ARSG: variants seen among roughly 807,000 people sequenced by gnomAD.
ARSG encodes the protein ASG.
In ARSG, 37 loss-of-function variants were observed where a neutral mutation model predicts 50.5. The ratio of observed to expected loss-of-function variants is 0.73; its 90% CI spans 0.56 to 0.96. The LOEUF (loss-of-function observed/expected upper bound fraction) is 0.96. ARSG is among the 50% of genes least tolerant of loss of function. The pLI, the probability that ARSG is intolerant of heterozygous loss-of-function variation, is 0.00. For missense variants in ARSG, 629 were observed against 675.3 expected (o/e 0.93, Z 0.76); for synonymous variants, 225 against 254.6 (o/e 0.88, Z 1.11).
chr17:68,266,210 G>C (rs1309308571), intron 1 of ARSG, among the ~76,000 whole-genome samples: 4 of 151,780 alleles, frequency 2.6e-5, no homozygotes, highest in Non-Finnish European at 4.4e-5. Flanking sequence ...ATGAAAATAT[G>C]CTTCTTCATT....
chr17:68,337,684 C>A (rs1287500291), intron 2 of ARSG, among the ~76,000 whole-genome samples: 2 of 152,118 alleles, frequency 1.3e-5, no homozygotes, highest in Non-Finnish European at 2.9e-5. Flanking sequence ...ATGGCACGGT[C>A]TCAGCTCACC....
At chr17:68,328,331 T>G (rs2077586855) in intron 2 of ARSG, among the ~76,000 whole-genome samples, 2 of 152,176 alleles carry the variant, frequency 1.3e-5, no homozygotes, top group African/African-American at 2.4e-5. Flanking sequence ...ATGGAATTCT[T>G]CAAATAACTT....
At chr17:68,309,224 A>G (rs2076743085) in intron 2 of ARSG, among the ~76,000 whole-genome samples, 1 of 152,172 alleles carries the variant, frequency 6.6e-6, no homozygotes, top group African/African-American at 2.4e-5. Context: ...CGCCAAGCCC[A>G]CGCCCACCCG....
Position 68,307,445 on chromosome 17 carries a change from A to G in ARSG, c.-49A>G. 3 of 1,450,476 alleles carry G rather than the reference A, an allele frequency of 2.1e-6. No homozygotes were observed. Among genetic ancestry groups the G allele is most frequent in the Non-Finnish European group, 2.9e-6 (3 of 1,041,174 alleles). 89.9% of individuals were successfully genotyped at this position (1,450,476 alleles called of 1,614,324 possible). ...AAAGGAAGCTCTCAGAAAAATCTCT[A>G]GTGGTGGCTGCCGTCGCTCCAGACA... On this transcript the variant is annotated 5_prime_UTR_variant, in exon 2 of 12. Transcript: ENST00000621439.
intron 6 of ARSG, among the ~76,000 whole-genome samples, chr17:68,363,716 C>A (rs1267319403): frequency 6.6e-6 from 1 of 152,122 alleles, no homozygotes; most frequent in Non-Finnish European, 1.5e-5. Context: ...ATCCAACTGC[C>A]TCGGCCTCCC....
intron 1 of ARSG, among the ~76,000 whole-genome samples, chr17:68,262,318 A>G (rs1229549086): frequency 2.0e-5 from 3 of 151,434 alleles, no homozygotes; most frequent in African/African-American, 7.3e-5. Context: ...AAAAATACAA[A>G]AAATTAGCCA....
chr17:68,368,034 C>T (rs1423585743), intron 6 of ARSG, among the ~76,000 whole-genome samples: 4 of 152,170 alleles, frequency 2.6e-5, no homozygotes, highest in African/African-American at 9.7e-5. Flanking sequence ...CGCGCCACTG[C>T]ACTCCAGCCT....
downstream of ARSG, chr17:68,424,341 C>T: frequency 2.1e-6 from 1 of 483,112 alleles, no homozygotes; most frequent in Admixed American, 2.3e-5. Context: ...AGCCCCAGCC[C>T]TGCATGCAGG....
chr17:68,433,536 T>C, the ARSG span: 1 of 1,613,994 alleles, frequency 6.2e-7, no homozygotes, highest in East Asian at 2.2e-5. Flanking sequence ...AGAGGAATTG[T>C]GAATCCATAC....
At chr17:68,426,012 A>T (rs2083144247), downstream of ARSG, 2 of 1,314,052 alleles carry the variant, frequency 1.5e-6, no homozygotes, top group African/African-American at 1.4e-5. Context: ...CTCTCGTATG[A>T]GGCGAAGGTT....
the ARSG span, among the ~76,000 whole-genome samples, chr17:68,444,089 G>A: frequency 6.6e-6 from 1 of 152,124 alleles, no homozygotes; most frequent in Non-Finnish European, 1.5e-5. Context: ...TCTTTTTGCT[G>A]GCCATGCAGA....
At chr17:68,274,926 A>G (rs990434620) in intron 1 of ARSG, among the ~76,000 whole-genome samples, 9 of 151,974 alleles carry the variant, frequency 5.9e-5, no homozygotes, top group African/African-American at 2.2e-4. Context: ...GATTACAGGC[A>G]TGTGCCACCA....
At chr17:68,272,620 G>C (rs1555749324) in intron 1 of ARSG, 1 of 1,612,416 alleles carries the variant, frequency 6.2e-7, no homozygotes, top group Non-Finnish European at 8.5e-7. Flanking sequence ...TCATACTTAG[G>C]CTGTTGTAGT....
At chr17:68,346,782 C>T (rs759026435) in intron 3 of ARSG, 9 of 1,307,658 alleles carry the variant, frequency 6.9e-6, no homozygotes, top group East Asian at 5.1e-5. Flanking sequence ...AGGGCCCCAG[C>T]GCGGGAGGGC....
chr17:68,379,986 C>A, intron 8 of ARSG: 1 of 565,898 alleles, frequency 1.8e-6, no homozygotes, highest in Non-Finnish European at 2.2e-6. Context: ...ATTTGAACTG[C>A]ATGGGTCCAC....
intron 11 of ARSG, 71 bp from the exon 12 acceptor site, chr17:68,420,118 G>A (rs1043900309): frequency 1.3e-5 from 20 of 1,532,792 alleles, no homozygotes; most frequent in Admixed American, 3.7e-5. Context: ...AGAATCACTC[G>A]CAGCTCTCGT....
chr17:68,407,314 G>T (rs60504830), intron 11 of ARSG, among the ~76,000 whole-genome samples: 1 of 152,150 alleles, frequency 6.6e-6, no homozygotes, highest in Non-Finnish European at 1.5e-5. Context: ...GATGCCTCCA[G>T]ATTTGTTCTT....
chr17:68,388,749 A>AC (rs749002344), intron 9 of ARSG, among the ~76,000 whole-genome samples: 2 of 151,910 alleles, frequency 1.3e-5, no homozygotes, highest in South Asian at 2.1e-4. Context: ...ACATGGTGAA[A>AC]CCCCGTCTCT....
At chr17:68,379,527 A>G (rs1243046637) in intron 8 of ARSG, among the ~76,000 whole-genome samples, 2 of 137,738 alleles carry the variant, frequency 1.5e-5, no homozygotes, top group Non-Finnish European at 3.0e-5. Flanking sequence ...TCTTCCTTGC[A>G]TCGGCCTCCC....
Sources: allele counts gnomAD v4.1 joint callset (sites outside exome capture counted in the v4.1 genomes callset), GRCh38; gene constraint gnomAD v4.1.1; transcripts MANE v1.5; gene names NCBI Gene and HGNC (gene_info 2026-07-23, HGNC 2026-07-21).